FBXO42: variants seen among roughly 807,000 people sequenced by gnomAD.
FBXO42 encodes the protein F-box protein 42.
In FBXO42, 12 loss-of-function variants were observed where a neutral mutation model predicts 71.7. That is an observed-to-expected ratio of 0.17 (90% confidence interval 0.11 to 0.27). The LOEUF is 0.27. FBXO42 is among the 10% of genes least tolerant of loss of function. The pLI, the probability that FBXO42 is intolerant of heterozygous loss-of-function variation, is 1.00. For missense variants in FBXO42, 707 were observed against 911.9 expected (o/e 0.78, Z 2.89); for synonymous variants, 325 against 327.5 (o/e 0.99, Z 0.08).
intron 4 of FBXO42, among the ~76,000 whole-genome samples, chr1:16,288,604 T>C (rs2082046274): frequency 6.6e-6 from 1 of 152,042 alleles, no homozygotes; most frequent in Non-Finnish European, 1.5e-5. Flanking sequence ...AACGTAGCTG[T>C]ATAAACCTGA....
At chr1:16,322,278 C>T (rs182939626) in intron 1 of FBXO42, among the ~76,000 whole-genome samples, 37 of 150,746 alleles carry the variant, frequency 2.5e-4, no homozygotes, top group Admixed American at 7.3e-4. Context: ...CTTTTTCTTC[C>T]GAAAAACTAC....
chr1:16,330,347 C>T (rs2082488770), intron 1 of FBXO42, among the ~76,000 whole-genome samples: 1 of 143,732 alleles, frequency 7.0e-6, no homozygotes, highest in Admixed American at 6.9e-5. Flanking sequence ...ACAGACTAGG[C>T]CCTGTTTCCA....
At chr1:16,335,306 ATTT>A (rs1044580837) in intron 1 of FBXO42, among the ~76,000 whole-genome samples, 1 of 151,846 alleles carries the variant, frequency 6.6e-6, no homozygotes, top group Non-Finnish European at 1.5e-5. Flanking sequence ...AGACCAGCTA[ATTT>A]TTTTATTTTG....
chr1:16,280,701 G>A (rs965584837), intron 4 of FBXO42, among the ~76,000 whole-genome samples: 5 of 152,034 alleles, frequency 3.3e-5, no homozygotes, highest in South Asian at 2.1e-4. Context: ...CCTGAACCCC[G>A]GAGGTCAAGG....
intron 1 of FBXO42, among the ~76,000 whole-genome samples, chr1:16,321,182 A>G (rs537809678): frequency 4.6e-4 from 70 of 152,322 alleles, no homozygotes; most frequent in African/African-American, 1.6e-3. Context: ...ACCCTCCACA[A>G]AAACATCAAA....
At chr1:16,325,606 A>T (rs1010583616) in intron 1 of FBXO42, among the ~76,000 whole-genome samples, 1 of 152,216 alleles carries the variant, frequency 6.6e-6, no homozygotes, top group Admixed American at 6.6e-5. Flanking sequence ...GAAAAAATTT[A>T]AAAATGGAAA....
intron 4 of FBXO42, among the ~76,000 whole-genome samples, chr1:16,259,161 T>A (rs2081681877): frequency 6.6e-6 from 1 of 152,208 alleles, no homozygotes. Flanking sequence ...TTACTGTTCC[T>A]GGTCAAAAAC....
At chr1:16,318,175 T>C (rs2082385385) in intron 1 of FBXO42, among the ~76,000 whole-genome samples, 3 of 152,096 alleles carry the variant, frequency 2.0e-5, no homozygotes, top group Admixed American at 6.6e-5. Context: ...TCCCAGAACT[T>C]TGGGAGGCCT....
At chr1:16,253,971 T>C (rs554732663) in intron 6 of FBXO42, among the ~76,000 whole-genome samples, 1 of 152,348 alleles carries the variant, frequency 6.6e-6, no homozygotes, top group South Asian at 2.1e-4. Context: ...CACTTAATTT[T>C]CTCTAACTCT....
chr1:16,283,501 T>TTTG (rs2081988079), intron 4 of FBXO42, among the ~76,000 whole-genome samples: 1 of 136,498 alleles, frequency 7.3e-6, no homozygotes, highest in African/African-American at 2.8e-5. Flanking sequence ...CAAGTTTTTT[T>TTTG]TTTTTTTTTT....
chr1:16,294,639 T>C, intron 4 of FBXO42, 144 bp downstream of exon 4: 1 of 777,706 alleles, frequency 1.3e-6, no homozygotes, highest in Middle Eastern at 2.6e-4. Context: ...CATATTACTA[T>C]TATCATTTAC....
chr1:16,263,801 C>A, intron 4 of FBXO42, among the ~76,000 whole-genome samples: 1 of 144,988 alleles, frequency 6.9e-6, no homozygotes, highest in Admixed American at 6.9e-5. Flanking sequence ...CACGGCCATA[C>A]ATTAACTTTT....
At chr1:16,290,214 G>C (rs1192495522) in intron 4 of FBXO42, among the ~76,000 whole-genome samples, 1 of 152,186 alleles carries the variant, frequency 6.6e-6, no homozygotes, top group Non-Finnish European at 1.5e-5. Flanking sequence ...AGGAACTAAA[G>C]ACAAGATTTC....
chr1:16,315,037 G>T, intron 2 of FBXO42, 132 bp downstream of exon 2: 1 of 920,398 alleles, frequency 1.1e-6, no homozygotes, highest in Non-Finnish European at 1.6e-6. Context: ...AAAGAAAACC[G>T]GGTAGTATCG....
intron 1 of FBXO42, among the ~76,000 whole-genome samples, chr1:16,326,751 T>G (rs1475558173): frequency 1.3e-5 from 2 of 151,752 alleles, no homozygotes; most frequent in Non-Finnish European, 2.9e-5. Context: ...TTTTCTAGGA[T>G]TTATAAGTCA....
At chr1:16,343,459 T>C (rs1375483070) in intron 1 of FBXO42, among the ~76,000 whole-genome samples, 9 of 152,102 alleles carry the variant, frequency 5.9e-5, no homozygotes, top group Admixed American at 6.6e-5. Flanking sequence ...GATGGGACAG[T>C]AACTTGAGCC....
intron 3 of FBXO42, among the ~76,000 whole-genome samples, chr1:16,302,796 C>T (rs956880866): frequency 2.0e-5 from 3 of 152,224 alleles, no homozygotes; most frequent in Admixed American, 6.5e-5. Context: ...AGGCGTAAGC[C>T]ACTGCGGCCA....
intron 2 of FBXO42, among the ~76,000 whole-genome samples, chr1:16,309,674 T>C (rs1204943129): frequency 1.3e-5 from 2 of 151,932 alleles, no homozygotes; most frequent in Non-Finnish European, 2.9e-5. Flanking sequence ...GGTGGGAGGA[T>C]AACTTGAGCC....
chr1:16,261,658 T>C (rs1246108166), intron 4 of FBXO42, among the ~76,000 whole-genome samples: 1 of 152,138 alleles, frequency 6.6e-6, no homozygotes, highest in Non-Finnish European at 1.5e-5. Context: ...ATACAGCTTT[T>C]ATACAGTGAG....
Sources: allele counts gnomAD v4.1 joint callset (sites outside exome capture counted in the v4.1 genomes callset), GRCh38; gene constraint gnomAD v4.1.1; transcripts MANE v1.5; gene names NCBI Gene and HGNC (gene_info 2026-07-23, HGNC 2026-07-21).